The following GRM7 variants were observed in gnomAD, a reference collection of about 807,000 sequenced individuals.
GRM7 encodes metabotropic glutamate receptor 7.
Under a neutral mutation model 84.5 loss-of-function variants are expected in GRM7, and 35 were observed. That is an observed-to-expected ratio of 0.41 (90% confidence interval 0.32 to 0.55). The LOEUF (loss-of-function observed/expected upper bound fraction) is 0.55. Among genes scored for constraint, GRM7 ranks in the 20% least tolerant of loss-of-function variants. GRM7 has a pLI of 0.19. For synonymous variants in GRM7, 487 were observed against 455.1 expected (o/e 1.07, Z -0.89); for missense variants, 1,003 against 1,194.6 (o/e 0.84, Z 2.36).
chr3:7,545,468 T>G lies in GRM7; in HGVS notation c.1516-32954T>G, dbSNP rs1693103647. Among the ~76,000 whole-genome samples, 3 of 152,166 alleles carry G rather than the reference T, an allele frequency of 2.0e-5. No homozygotes were observed. The South Asian group carries it at 6.2e-4, about 31-fold the overall frequency. On this transcript the variant is annotated intron_variant, in intron 7 of 9. Coordinates refer to ENST00000357716, the MANE Select transcript of GRM7 (RefSeq NM_000844.4). The stretch of plus-strand genomic sequence containing the variant: ...AGGCACCATTTCTGTCTCATTACAG[T>G]GATTTTGTTCTGCTACCTGAAAGCC...
chr3:7,501,468 A>G (rs1250778635), intron 7 of GRM7, among the ~76,000 whole-genome samples: 1 of 152,222 alleles, frequency 6.6e-6, no homozygotes, highest in Non-Finnish European at 1.5e-5. Flanking sequence ...TGCTTTGATC[A>G]TGACATTTAA....
intron 1 of GRM7, among the ~76,000 whole-genome samples, chr3:7,131,860 T>A (rs1693612597): frequency 6.6e-6 from 1 of 152,144 alleles, no homozygotes; most frequent in Admixed American, 6.5e-5. Flanking sequence ...TAGACGGGGA[T>A]CAATTTTGTT....
chr3:7,017,728 C>A (rs1169949807), intron 1 of GRM7, among the ~76,000 whole-genome samples: 3 of 152,184 alleles, frequency 2.0e-5, no homozygotes, highest in African/African-American at 7.2e-5. Context: ...CCCATCCTCA[C>A]AAGCTTTTAA....
At chr3:7,732,245 C>A (rs373140178) in intron 9 of GRM7, among the ~76,000 whole-genome samples, 1 of 152,146 alleles carries the variant, frequency 6.6e-6, no homozygotes, top group African/African-American at 2.4e-5. Flanking sequence ...TTACAAAAGG[C>A]TTCTCTATGG....
At chr3:6,900,087 A>G (rs1696330203) in intron 1 of GRM7, among the ~76,000 whole-genome samples, 1 of 152,256 alleles carries the variant, frequency 6.6e-6, no homozygotes, top group Non-Finnish European at 1.5e-5. Context: ...GGAAATTATT[A>G]GTTAAGATAA....
At position 7,356,205 on chromosome 3, in the gene GRM7, G is replaced by A. The variant is rs1211987849; in HGVS notation, c.1033+49553G>A. Among the ~76,000 whole-genome samples the A allele has an allele frequency of 1.2e-4, 19 of 152,228 alleles. No homozygotes were observed. In the South Asian group the frequency reaches 3.5e-3, roughly 28 times the overall value. ...ATTGGTGACAAGGAAATTGGGAGAA[G>A]TATATGAATAGACTTCTCTGAGTGG... On this transcript the variant is annotated intron_variant, in intron 4 of 9. Transcript: ENST00000357716.
chr3:7,353,368 G>A (rs1270145992), intron 4 of GRM7, among the ~76,000 whole-genome samples: 2 of 152,094 alleles, frequency 1.3e-5, no homozygotes, highest in African/African-American at 4.8e-5. Flanking sequence ...ACAAAAGTTG[G>A]ATCAGGCTAA....
chr3:7,393,510 G>A (rs1241805716), intron 4 of GRM7, among the ~76,000 whole-genome samples: 1 of 152,168 alleles, frequency 6.6e-6, no homozygotes, highest in Non-Finnish European at 1.5e-5. Flanking sequence ...AAGCTACCTG[G>A]AACCTCTCCT....
Position 7,384,027 on chromosome 3 carries a change from G to A in GRM7, c.1034-30996G>A, listed in dbSNP as rs1343564313. ...TTTAGGCCAAAAATAAATAATACAT[G>A]TATTTATTTCTTTATTTAGGAGACA... On this transcript the variant is annotated intron_variant, in intron 4 of 9. Coordinates refer to ENST00000357716, the MANE Select transcript of GRM7 (RefSeq NM_000844.4). Among the ~76,000 whole-genome samples, 11 of 152,144 alleles carry A rather than the reference G, an allele frequency of 7.2e-5. No homozygotes were observed. In the East Asian group the frequency reaches 1.9e-3, roughly 27 times the overall value.
At chr3:7,259,581 C>A (rs984884319) in intron 2 of GRM7, among the ~76,000 whole-genome samples, 3 of 152,240 alleles carry the variant, frequency 2.0e-5, no homozygotes, top group African/African-American at 7.2e-5. Context: ...AGAATGATGG[C>A]CTCTAGCTCC....
chr3:7,516,302 C>T (rs892458239), intron 7 of GRM7, among the ~76,000 whole-genome samples: 14 of 150,794 alleles, frequency 9.3e-5, no homozygotes, highest in African/African-American at 3.4e-4. Flanking sequence ...ATGGTGAAAC[C>T]CTGTCTCTAC....
chr3:7,461,485 T>C (rs1214733554), intron 6 of GRM7, 98 bp from the exon 7 acceptor site: 1 of 1,010,512 alleles, frequency 9.9e-7, no homozygotes, highest in Admixed American at 1.9e-5. Flanking sequence ...AGTAACTACC[T>C]TTCTCCTCGT....
intron 8 of GRM7, among the ~76,000 whole-genome samples, chr3:7,669,075 C>T (rs1699819132): frequency 6.6e-6 from 1 of 152,246 alleles, no homozygotes; most frequent in Non-Finnish European, 1.5e-5. Context: ...ATCCAGCATG[C>T]TTGACGCCAA....
intron 8 of GRM7, among the ~76,000 whole-genome samples, chr3:7,652,375 C>T (rs1369884113): frequency 1.3e-5 from 2 of 152,110 alleles, no homozygotes; most frequent in Non-Finnish European, 2.9e-5. Flanking sequence ...GAGAGGGCCA[C>T]TTTGGGTGGG....
chr3:7,018,310 T>C (rs1270219141), intron 1 of GRM7, among the ~76,000 whole-genome samples: 1 of 152,250 alleles, frequency 6.6e-6, no homozygotes, highest in Non-Finnish European at 1.5e-5. Flanking sequence ...TGGAAGTGAT[T>C]CCAGAGATTT....
intron 1 of GRM7, among the ~76,000 whole-genome samples, chr3:7,143,338 C>A (rs1323500286): frequency 6.6e-6 from 1 of 152,168 alleles, no homozygotes; most frequent in African/African-American, 2.4e-5. Context: ...CAGTCCTTCA[C>A]CTCTATTGCT....
intron 2 of GRM7, among the ~76,000 whole-genome samples, chr3:7,276,078 T>G (rs568310354): frequency 6.6e-6 from 1 of 152,290 alleles, no homozygotes; most frequent in Non-Finnish European, 1.5e-5. Context: ...TTTATGGATC[T>G]AAAAAGAGCT....
chr3:7,709,503 A>G (rs1324823530), intron 9 of GRM7, among the ~76,000 whole-genome samples: 1 of 152,268 alleles, frequency 6.6e-6, no homozygotes, highest in African/African-American at 2.4e-5. Context: ...ACAGACAATC[A>G]GGCTGTATTT....
intron 7 of GRM7, among the ~76,000 whole-genome samples, chr3:7,484,179 G>A (rs1251906023): frequency 6.6e-6 from 1 of 152,196 alleles, no homozygotes; most frequent in Admixed American, 6.5e-5. Flanking sequence ...TTTAACAAGA[G>A]TGGAGCAATC....
Sources: gnomAD v4.1 joint callset for allele counts (sites outside exome capture counted in the v4.1 genomes callset) on GRCh38, gnomAD v4.1.1 for gene constraint, MANE v1.5 for transcripts, NCBI Gene and HGNC (gene_info 2026-07-23, HGNC 2026-07-21) for gene names.